Variants in NTN1 observed in about 807,000 individuals in gnomAD.
The protein encoded by NTN1 is netrin-1.
Under a neutral mutation model 54.2 loss-of-function variants are expected in NTN1, and 11 were observed. That is an observed-to-expected ratio of 0.20 (90% CI 0.13 to 0.34). NTN1 has a LOEUF of 0.34. Ranked by LOEUF, NTN1 falls within the 10% of genes least tolerant of loss-of-function variation. The pLI is 1.00. For missense variants in NTN1, 740 were observed against 893.1 expected (o/e 0.83, Z 2.18); for synonymous variants, 371 against 382.0 (o/e 0.97, Z 0.33).
rs553292379 is a variant in NTN1 at position 9,232,586 on chromosome 17, G to A, written c.1487-7054G>A. On this transcript the variant is annotated intron_variant, in intron 6 of 6. Transcript: ENST00000173229. ...GCTCTACGTTGGGTGTCCTCATGTT[G>A]TCTAAGTCCTGGGGCAGGGCCCCGG... Among the ~76,000 whole-genome samples the A allele has an allele frequency of 1.9e-4, 29 of 152,306 alleles. No homozygotes were observed. The East Asian group carries it at 2.9e-3, about 15-fold the overall frequency.
chr17:9,011,228 TGGCCTCGTTCCTAACA>T, the NTN1 span, among the ~76,000 whole-genome samples: 1 of 152,312 alleles, frequency 6.6e-6, no homozygotes, highest in East Asian at 1.9e-4. Context: ...TCCTGCTGTG[TGGCCTCGTTCCTAACA>T]GGCCACAGAC....
At chr17:9,235,815 C>T (rs572737269) in intron 6 of NTN1, among the ~76,000 whole-genome samples, 38 of 149,964 alleles carry the variant, frequency 2.5e-4, no homozygotes, top group Admixed American at 9.3e-4. Context: ...AGTGCAGTGG[C>T]GTGATCTTGG....
Position 9,240,360 on chromosome 17 carries a change from AGGCGCGGGGCGTGGAT to A in NTN1, c.*400_*415del. The stretch of plus-strand genomic sequence containing the variant: ...CGCAGAATCGCACAACTGGGGCCCC[AGGCGCGGGGCGTGGAT>A]GGCGCGGAGACGTGGACGGGAGGAG... On this transcript the variant is annotated 3_prime_UTR_variant, in exon 7 of 7. Coordinates refer to ENST00000173229, the MANE Select transcript of NTN1 (RefSeq NM_004822.3). 1 of 152,156 alleles carries A rather than the reference AGGCGCGGGGCGTGGAT, an allele frequency of 6.6e-6. No homozygotes were observed. The highest frequency in any genetic ancestry group is 1.9e-4 in the East Asian group (1 of 5,148). The allele number at this position is 152,156 out of a possible 1,614,324, so 9.4% of individuals were successfully genotyped here. A position where few individuals can be genotyped will look rare whatever the true frequency, so the allele number is the denominator to read the frequency against.
rs1473654500 is a variant in NTN1, at chr17:9,022,788, G to C, written c.415G>C (p.Gly139Arg). The C allele has an allele frequency of 1.9e-6, 3 of 1,610,624 alleles. 1 individual carries two copies. The highest frequency in any genetic ancestry group is 2.2e-5 in the South Asian group (2 of 90,662). Residue 139 changes from glycine (G) to arginine (R), a missense_variant, in exon 2 of 7, where the codon GGC (glycine) becomes CGC (arginine). By Grantham distance (125) the Gly-to-Arg change is moderately radical. Coordinates refer to ENST00000173229, the MANE Select transcript of NTN1 (RefSeq NM_004822.3). Reference protein sequence around the residue: ...PHNVTLTLSLGKKFEVTYVSL... With the variant: ...PHNVTLTLSLRKKFEVTYVSL... The stretch of plus-strand genomic sequence containing the variant: ...CAACGTCACGCTCACACTGTCCCTC[G>C]GCAAGAAGTTCGAAGTGACCTACGT...
chr17:9,011,252 G>C, the NTN1 span, among the ~76,000 whole-genome samples: 1 of 152,224 alleles, frequency 6.6e-6, no homozygotes, highest in African/African-American at 2.4e-5. Context: ...ACAGGCCACA[G>C]ACTAGTGGTA....
intron 3 of NTN1, chr17:9,179,094 TG>T (rs2092410025): frequency 6.6e-6 from 1 of 152,338 alleles, no homozygotes; most frequent in African/African-American, 2.4e-5. Flanking sequence ...GCTCCCAGCC[TG>T]GCCGTTCCCT....
chr17:9,154,365 C>T (rs1285231743), intron 2 of NTN1, among the ~76,000 whole-genome samples: 1 of 152,220 alleles, frequency 6.6e-6, no homozygotes, highest in Non-Finnish European at 1.5e-5. Context: ...AATTCATGCC[C>T]TACCAGATTT....
At chr17:9,229,083 T>C (rs8075847) in intron 6 of NTN1, among the ~76,000 whole-genome samples, 1 of 5,156 alleles carries the variant, frequency 1.9e-4, no homozygotes, top group Non-Finnish European at 3.2e-4. Flanking sequence ...TTTGTGACTG[T>C]GTGTGTGACT....
At chr17:9,136,235 A>T (rs1203891600) in intron 2 of NTN1, among the ~76,000 whole-genome samples, 6 of 152,228 alleles carry the variant, frequency 3.9e-5, no homozygotes, top group Non-Finnish European at 1.5e-5. Flanking sequence ...GCTTTACTTT[A>T]TTCTGAAGTG....
intron 2 of NTN1, among the ~76,000 whole-genome samples, chr17:9,025,893 T>G (rs1481348278): frequency 2.6e-5 from 4 of 152,252 alleles, no homozygotes; most frequent in African/African-American, 7.2e-5. Flanking sequence ...AAAGTAACTT[T>G]GGACTATCAG....
At chr17:9,055,794 T>C (rs1252517254) in intron 2 of NTN1, among the ~76,000 whole-genome samples, 1 of 152,212 alleles carries the variant, frequency 6.6e-6, no homozygotes, top group African/African-American at 2.4e-5. Flanking sequence ...CAGTCATGGC[T>C]CACTGCAGCC....
intron 2 of NTN1, among the ~76,000 whole-genome samples, chr17:9,059,622 A>C (rs1252512577): frequency 6.6e-6 from 1 of 152,204 alleles, no homozygotes. Flanking sequence ...AGAAGAGGCA[A>C]AGCAGATTAG....
intron 2 of NTN1, among the ~76,000 whole-genome samples, chr17:9,132,044 A>G (rs151100160): frequency 2.0e-5 from 3 of 150,634 alleles, no homozygotes; most frequent in African/African-American, 7.3e-5. Flanking sequence ...TGCCCATTTG[A>G]TGAATGACTG....
chr17:9,211,008 T>G lies in NTN1; in HGVS notation c.1412-10160T>G, dbSNP rs982478612. ...GAATTGTATCCTCATTGCAGTAAATTTTAAAATATACCTAAGACAATAAAG... is the reference window on the plus strand; with the variant it reads ...GAATTGTATCCTCATTGCAGTAAATGTTAAAATATACCTAAGACAATAAAG... On this transcript the variant is annotated intron_variant, in intron 5 of 6. Transcript: ENST00000173229. This position sits in a 1 kb window ranked among gnomAD's most constrained non-coding sequence, Gnocchi z 4.4. Among the ~76,000 whole-genome samples the G allele has an allele frequency of 1.3e-5, 2 of 150,628 alleles. No individual in the cohort carries two copies. Among genetic ancestry groups the G allele is most frequent in the Non-Finnish European group, 2.9e-5 (2 of 67,830 alleles).
At chr17:9,148,364 A>G (rs4791799) in intron 2 of NTN1, among the ~76,000 whole-genome samples, 67,883 of 151,946 alleles carry the variant, frequency 0.45, 16,179 homozygotes, top group African/African-American at 0.62. Flanking sequence ...CTTCTCTCCT[A>G]GACCTGTTGA....
chr17:9,070,645 G>A (rs2142214878), intron 2 of NTN1, among the ~76,000 whole-genome samples: 2 of 152,306 alleles, frequency 1.3e-5, no homozygotes, highest in Middle Eastern at 6.8e-3. Context: ...AGGCTGGAGT[G>A]CAATGTTGCG....
chr17:9,150,237 G>A (rs931477389), intron 2 of NTN1, among the ~76,000 whole-genome samples: 2 of 151,962 alleles, frequency 1.3e-5, no homozygotes, highest in East Asian at 1.9e-4. Context: ...AGGAAGGAAG[G>A]AGCAAGACCT....
the NTN1 span, among the ~76,000 whole-genome samples, chr17:9,016,163 C>T: frequency 6.6e-6 from 1 of 152,152 alleles, no homozygotes; most frequent in Non-Finnish European, 1.5e-5. Context: ...TACATCTCAT[C>T]CTTAGAATGA....
At chr17:9,187,245 T>A (rs1314790868) in intron 5 of NTN1, among the ~76,000 whole-genome samples, 1 of 152,064 alleles carries the variant, frequency 6.6e-6, no homozygotes, top group East Asian at 1.9e-4. Context: ...GAGAGTCAGC[T>A]TGATTGGGCT....
Sources: gnomAD v4.1 joint callset for allele counts (sites outside exome capture counted in the v4.1 genomes callset) on GRCh38, gnomAD v4.1.1 for gene constraint, Gnocchi (gnomAD v3.1) non-coding constraint, MANE v1.5 for transcripts, NCBI Gene and HGNC (gene_info 2026-07-23, HGNC 2026-07-21) for gene names.